Variants in TK1 observed in about 807,000 individuals in gnomAD.
The protein encoded by TK1 is thymidine kinase, cytosolic.
TK1 carries 13 observed loss-of-function variants against 22.4 expected under a neutral mutation model. The observed-to-expected ratio is 0.58, with a 90% confidence interval of 0.38 to 0.92. The LOEUF is 0.92. Ranked by LOEUF, TK1 falls within the 40% of genes least tolerant of loss-of-function variation. The pLI is 0.00. For missense variants in TK1, 251 were observed against 315.7 expected (o/e 0.80, Z 1.55); for synonymous variants, 134 against 125.4 (o/e 1.07, Z -0.46).
chr17:78,175,289 C>G, intron 5 of TK1, 120 bp from the exon 6 acceptor site: 1 of 1,370,438 alleles, frequency 7.3e-7, no homozygotes, highest in Non-Finnish European at 9.6e-7. Context: ...TAGTCCTTCC[C>G]CCAACCCCCA....
chr17:78,182,034 G>A (rs1489651909), intron 4 of TK1, among the ~76,000 whole-genome samples: 4 of 152,060 alleles, frequency 2.6e-5, no homozygotes, highest in Non-Finnish European at 4.4e-5. Flanking sequence ...GAGATTACAG[G>A]TGTGAGTCAC....
chr17:78,182,118 A>T (rs2145827376), intron 4 of TK1, among the ~76,000 whole-genome samples: 1 of 152,214 alleles, frequency 6.6e-6, no homozygotes, highest in South Asian at 2.1e-4. Context: ...TCATGCCTGT[A>T]ATCCCAGCGC....
In TK1 at chr17:78,174,817, A is replaced by G; in HGVS notation, c.647T>C (p.Val216Ala). Residue 216 changes from valine to alanine, a missense_variant, in exon 7 of 7, where the codon GTG becomes GCG. Physicochemically the swap from Val to Ala is moderately conservative, Grantham distance 64. Coordinates refer to ENST00000301634, the MANE Select transcript of TK1 (RefSeq NM_003258.5). ...CPVPGKPGEA[V>A]AARKLFAPQQ... ...TGGGGCAAAGAGCTTCCTGGCAGCC[A>G]CGGCTTCCCCTGGCTTTCCTGGCAC... 1.2e-6 allele frequency: 2 copies of G among 1,613,298 alleles called. No individual in the cohort carries two copies. The highest frequency in any genetic ancestry group is 1.7e-6 in the Non-Finnish European group (2 of 1,179,606).
intron 4 of TK1, among the ~76,000 whole-genome samples, chr17:78,177,854 A>G (rs1414980417): frequency 2.0e-5 from 3 of 151,144 alleles, no homozygotes; most frequent in East Asian, 1.9e-4. Context: ...GATTACAGGC[A>G]TGAGCCACTG....
intron 4 of TK1, among the ~76,000 whole-genome samples, chr17:78,178,048 T>C (rs2075713749): frequency 6.6e-6 from 1 of 152,070 alleles, no homozygotes; most frequent in African/African-American, 2.4e-5. Flanking sequence ...TTTTTGTATT[T>C]TTAGTAGAGA....
intron 4 of TK1, among the ~76,000 whole-genome samples, chr17:78,180,249 G>A (rs1280436459): frequency 2.0e-5 from 3 of 152,234 alleles, no homozygotes; most frequent in African/African-American, 7.2e-5. Context: ...TATACAGCCA[G>A]CCAGGGCGAC....
chr17:78,179,274 CCA>C, intron 4 of TK1: 2 of 985,430 alleles, frequency 2.0e-6, no homozygotes, highest in Non-Finnish European at 2.4e-6. Flanking sequence ...CATTCTGAGG[CCA>C]CAGTTTGGGA....
At chr17:78,180,040 C>T (rs768747825) in intron 4 of TK1, among the ~76,000 whole-genome samples, 66 of 152,338 alleles carry the variant, frequency 4.3e-4, no homozygotes, top group Admixed American at 9.1e-4. Context: ...CACTGCACTC[C>T]AGCCTGGGCC....
chr17:78,184,937 C>G, intron 3 of TK1, 118 bp downstream of exon 3: 2 of 795,266 alleles, frequency 2.5e-6, no homozygotes, highest in Middle Eastern at 2.3e-4. Flanking sequence ...GGAAAGTGTG[C>G]TGATTTGAAT....
chr17:78,184,997 G>T, intron 3 of TK1, 58 bp downstream of exon 3: 2 of 1,293,592 alleles, frequency 1.5e-6, no homozygotes, highest in Non-Finnish European at 2.2e-6. Flanking sequence ...AGTCCTAACA[G>T]TGTGTCCTGT....
Position 78,174,663 on chromosome 17 carries a change from C to T in TK1, c.*96G>A. 7.2e-7 allele frequency: 1 copy of T among 1,397,232 alleles called. No homozygotes were observed. The highest frequency in any genetic ancestry group is 9.5e-7 in the Non-Finnish European group (1 of 1,049,414). 86.6% of individuals were successfully genotyped at this position (1,397,232 alleles called of 1,614,324 possible). ...GGCCAAGGTGTGGTCACCCTCCACGCCTCCCGACTTCCTCCTGGAGTGGCT... is the reference window on the plus strand; with the variant it reads ...GGCCAAGGTGTGGTCACCCTCCACGTCTCCCGACTTCCTCCTGGAGTGGCT... On this transcript the variant is annotated 3_prime_UTR_variant, in exon 7 of 7. Transcript: ENST00000301634.
intron 4 of TK1, among the ~76,000 whole-genome samples, chr17:78,180,112 A>T (rs2075728117): frequency 6.6e-6 from 1 of 152,210 alleles, no homozygotes; most frequent in Non-Finnish European, 1.5e-5. Context: ...TACTAAACGT[A>T]TAGGTGGCCC....
chr17:78,176,961 C>T (rs186527961), intron 4 of TK1, among the ~76,000 whole-genome samples: 16 of 152,290 alleles, frequency 1.1e-4, no homozygotes, highest in African/African-American at 3.1e-4. Context: ...CTCCTTCACC[C>T]GCCACATGAG....
chr17:78,179,046 G>C, intron 4 of TK1: 1 of 547,600 alleles, frequency 1.8e-6, no homozygotes, highest in Non-Finnish European at 2.3e-6. Flanking sequence ...GCTGGCTCCT[G>C]ACTCAGGGCA....
rs745357721 is a variant in TK1, at chr17:78,174,170, C to T, written c.*589G>A. Reference sequence around the variant, plus strand: ...TCTCCACACTTGAAGAGATAAGCCCCTGGGATCCAAGTCCCAGCAAGGTTG... The same window carrying T: ...TCTCCACACTTGAAGAGATAAGCCCTTGGGATCCAAGTCCCAGCAAGGTTG... On this transcript the variant is annotated 3_prime_UTR_variant, in exon 7 of 7. Coordinates refer to ENST00000301634, the MANE Select transcript of TK1 (RefSeq NM_003258.5). 1 of 152,922 alleles carries T rather than the reference C, an allele frequency of 6.5e-6. No individual in the cohort carries two copies. The highest frequency in any genetic ancestry group is 1.5e-5 in the Non-Finnish European group (1 of 68,580). 9.5% of individuals were successfully genotyped at this position (152,922 alleles called of 1,614,324 possible).
At chr17:78,186,860 G>C in intron 1 of TK1, 42 bp from the exon 2 acceptor site, 1 of 1,570,230 alleles carries the variant, frequency 6.4e-7, no homozygotes, top group Non-Finnish European at 8.6e-7. Context: ...CGCCCTGCGC[G>C]GATGCCTGGA....
At chr17:78,175,916 A>T (rs950018680) in intron 4 of TK1, among the ~76,000 whole-genome samples, 4 of 152,204 alleles carry the variant, frequency 2.6e-5, no homozygotes, top group African/African-American at 9.6e-5. Flanking sequence ...TTAACACTGC[A>T]GTGGCCAAAG....
At chr17:78,175,247 A>G in intron 5 of TK1, 78 bp from the exon 6 acceptor site, 2 of 1,431,744 alleles carry the variant, frequency 1.4e-6, no homozygotes, top group Non-Finnish European at 1.8e-6. Flanking sequence ...CTGATTCACA[A>G]GCACTGAAGC....
intron 4 of TK1, among the ~76,000 whole-genome samples, chr17:78,177,274 C>A (rs1484675155): frequency 1.3e-5 from 2 of 152,162 alleles, no homozygotes; most frequent in African/African-American, 4.8e-5. Flanking sequence ...TTTTGAGCGC[C>A]CACCACAAGT....
Sources: gnomAD v4.1 joint callset for allele counts (sites outside exome capture counted in the v4.1 genomes callset) on GRCh38, gnomAD v4.1.1 for gene constraint, MANE v1.5 for transcripts, NCBI Gene and HGNC (gene_info 2026-07-23, HGNC 2026-07-21) for gene names.